The following PALS2 variants were observed in gnomAD, a reference collection of about 807,000 sequenced individuals.
The protein encoded by PALS2 is protein PALS2.
Under a neutral mutation model 61.6 loss-of-function variants are expected in PALS2, and 27 were observed. That is an observed-to-expected ratio of 0.44 (90% CI 0.32 to 0.60). The LOEUF is 0.60. PALS2 is among the 20% of genes least tolerant of loss of function. PALS2 has a pLI of 0.05. For missense variants in PALS2, 554 were observed against 639.4 expected (o/e 0.87, Z 1.44); for synonymous variants, 236 against 218.6 (o/e 1.08, Z -0.70).
chr7:24,662,494 C>T (rs923971841), intron 5 of PALS2, among the ~76,000 whole-genome samples: 5 of 152,052 alleles, frequency 3.3e-5, no homozygotes, highest in South Asian at 4.1e-4. Context: ...TTGGGCTGGG[C>T]GCAGTGGCTT....
chr7:24,653,518 C>T lies in PALS2; in HGVS notation c.651+2806C>T, dbSNP rs538851431. The stretch of plus-strand genomic sequence containing the variant: ...CTCTAGTGCCAACCCCAATACCCCA[C>T]GAAGTTTAATTTCCACTCACGAAAT... On this transcript the variant is annotated intron_variant, in intron 5 of 11. Transcript: ENST00000222644. Among the ~76,000 whole-genome samples, 7 of 152,212 alleles carry T rather than the reference C, an allele frequency of 4.6e-5. No homozygotes were observed. The South Asian group carries it at 1.0e-3, about 23-fold the overall frequency.
chr7:24,582,463 A>G (rs1191257112), intron 1 of PALS2, among the ~76,000 whole-genome samples: 1 of 152,164 alleles, frequency 6.6e-6, no homozygotes, highest in Non-Finnish European at 1.5e-5. Context: ...TTTATAAATA[A>G]TCTATAGAAT....
intron 1 of PALS2, among the ~76,000 whole-genome samples, chr7:24,584,601 A>G (rs1327602975): frequency 3.3e-5 from 5 of 151,294 alleles, no homozygotes; most frequent in Admixed American, 6.6e-5. Context: ...ATTTTCTCCC[A>G]TTTTGTAGGT....
intron 1 of PALS2, among the ~76,000 whole-genome samples, chr7:24,613,010 G>C (rs1191114412): frequency 6.6e-6 from 1 of 151,640 alleles, no homozygotes; most frequent in African/African-American, 2.4e-5. Flanking sequence ...TCAGAATTGG[G>C]ATTTGAATTC....
At chr7:24,648,989 T>TA (rs143626433) in intron 3 of PALS2, among the ~76,000 whole-genome samples, 4,735 of 151,302 alleles carry the variant, frequency 0.031, 266 homozygotes, top group African/African-American at 0.11. Context: ...GTATAGGAGG[T>TA]AAAAAAAATA....
chr7:24,655,472 A>G (rs1308084912), intron 5 of PALS2, among the ~76,000 whole-genome samples: 1 of 152,082 alleles, frequency 6.6e-6, no homozygotes, highest in Non-Finnish European at 1.5e-5. Context: ...CAGGAGAATC[A>G]AGTAGGATTT....
intron 5 of PALS2, among the ~76,000 whole-genome samples, chr7:24,655,870 G>C (rs1002256307): frequency 6.6e-6 from 1 of 151,896 alleles, no homozygotes; most frequent in African/African-American, 2.4e-5. Flanking sequence ...TTTGGCTGAG[G>C]CTTCAATTTG....
intron 5 of PALS2, among the ~76,000 whole-genome samples, chr7:24,662,284 T>A (rs1260697770): frequency 2.6e-5 from 4 of 152,222 alleles, no homozygotes; most frequent in Admixed American, 2.6e-4. Context: ...ACTAATAATA[T>A]AATATGTCTA....
chr7:24,609,236 A>G (rs536416631), intron 1 of PALS2, among the ~76,000 whole-genome samples: 2 of 152,002 alleles, frequency 1.3e-5, no homozygotes, highest in Non-Finnish European at 1.5e-5. Flanking sequence ...TTTCCTCTGT[A>G]TTTGTGTAGG....
At chr7:24,653,476 G>A (rs1786263574) in intron 5 of PALS2, among the ~76,000 whole-genome samples, 1 of 151,924 alleles carries the variant, frequency 6.6e-6, no homozygotes, top group Admixed American at 6.5e-5. Context: ...TGGCCTTGCA[G>A]CTGGTCTGCC....
At chr7:24,669,366 G>A (rs1484774958) in intron 9 of PALS2, among the ~76,000 whole-genome samples, 1 of 152,208 alleles carries the variant, frequency 6.6e-6, no homozygotes, top group East Asian at 1.9e-4. Context: ...TGATGTTAGT[G>A]ATTTACTGTA....
intron 1 of PALS2, among the ~76,000 whole-genome samples, chr7:24,592,771 C>T (rs1783347349): frequency 6.6e-6 from 1 of 151,976 alleles, no homozygotes; most frequent in South Asian, 2.1e-4. Flanking sequence ...AATGTACATA[C>T]CTTGATTTAA....
chr7:24,603,366 T>C (rs1783784219), intron 1 of PALS2, among the ~76,000 whole-genome samples: 1 of 152,134 alleles, frequency 6.6e-6, no homozygotes, highest in African/African-American at 2.4e-5. Flanking sequence ...AAGTGGTGGA[T>C]TTGGTTGGAA....
At chr7:24,638,714 G>A (rs1019855600) in intron 2 of PALS2, among the ~76,000 whole-genome samples, 1 of 152,056 alleles carries the variant, frequency 6.6e-6, no homozygotes, top group African/African-American at 2.4e-5. Flanking sequence ...AGATGTGCTT[G>A]GGTTCTTTTT....
chr7:24,574,347 G>A (rs912388473), intron 1 of PALS2: 1 of 152,318 alleles, frequency 6.6e-6, no homozygotes, highest in Non-Finnish European at 1.5e-5. Context: ...GTCAGCAGGG[G>A]AGTCGATTGA....
At chr7:24,681,525 A>ATTTTTTTTTTTTT (rs780176633) in intron 11 of PALS2, among the ~76,000 whole-genome samples, 1 of 138,570 alleles carries the variant, frequency 7.2e-6, no homozygotes, top group African/African-American at 2.7e-5. Context: ...TTTCTCCAAG[A>ATTTTTTTTTTTTT]TTTTTTTTTT....
At chr7:24,646,260 G>T (rs1302044414) in intron 3 of PALS2, among the ~76,000 whole-genome samples, 1 of 152,036 alleles carries the variant, frequency 6.6e-6, no homozygotes. Flanking sequence ...TCCAGCTTTT[G>T]CCCATTCAGT....
At chr7:24,668,773 A>G in intron 9 of PALS2, 113 bp downstream of exon 9, 2 of 1,302,846 alleles carry the variant, frequency 1.5e-6, no homozygotes, top group Admixed American at 2.3e-5. Flanking sequence ...AGTTTTCTTT[A>G]TGGCAGTGAA....
rs1782532126 is a variant in PALS2, at chr7:24,573,604, TG to T, written c.-3+13del. On this transcript the variant is annotated intron_variant, in intron 1 of 11. Transcript: ENST00000222644. This position sits in a 1 kb window ranked among gnomAD's most constrained non-coding sequence, Gnocchi z 5.3. ...CTGAGGTGCGAGCCGGTGAGTTAAC[TG>T]GACCCCCACGCCGCTCGGGTAACGG... 1 of 358,682 alleles carries T rather than the reference TG, an allele frequency of 2.8e-6. No homozygotes were observed. The highest frequency in any genetic ancestry group is 4.0e-5 in the East Asian group (1 of 24,920). The allele number at this position is 358,682 out of a possible 1,614,324, so 22.2% of individuals were successfully genotyped here. A position where few individuals can be genotyped will look rare whatever the true frequency, so the allele number is the denominator to read the frequency against.
Sources: allele counts gnomAD v4.1 joint callset (sites outside exome capture counted in the v4.1 genomes callset), GRCh38; gene constraint gnomAD v4.1.1; non-coding constraint Gnocchi (gnomAD v3.1); transcripts MANE v1.5; gene names NCBI Gene and HGNC (gene_info 2026-07-23, HGNC 2026-07-21).